The following EIF4G3 variants were observed in gnomAD, a reference collection of about 807,000 sequenced individuals.
EIF4G3 encodes eukaryotic translation initiation factor 4 gamma 3, also known as eIF-4-gamma 3.
EIF4G3 carries 34 observed loss-of-function variants against 186.4 expected under a neutral mutation model. The observed-to-expected ratio is 0.18, with a 90% CI of 0.14 to 0.24. The LOEUF (loss-of-function observed/expected upper bound fraction) is 0.24, where lower values mean the gene tolerates loss of function less well. Among genes scored for constraint, EIF4G3 ranks in the 10% least tolerant of loss-of-function variants. The pLI is 1.00. For synonymous variants in EIF4G3, 673 were observed against 679.5 expected (o/e 0.99, Z 0.15); for missense variants, 1,536 against 1,948.5 (o/e 0.79, Z 3.99).
chr1:20,946,895 A>G (rs1320109667), intron 13 of EIF4G3, among the ~76,000 whole-genome samples: 1 of 152,132 alleles, frequency 6.6e-6, no homozygotes, highest in Non-Finnish European at 1.5e-5. Context: ...AGATTGTGTA[A>G]CTGAGTACAA....
chr1:21,127,600 G>A (rs1033020283), intron 2 of EIF4G3, among the ~76,000 whole-genome samples: 1 of 152,150 alleles, frequency 6.6e-6, no homozygotes, highest in African/African-American at 2.4e-5. Flanking sequence ...AACCCTACCT[G>A]TGCATAAGGC....
At chr1:21,081,322 A>G (rs2095776746) in intron 3 of EIF4G3, among the ~76,000 whole-genome samples, 2 of 152,164 alleles carry the variant, frequency 1.3e-5, no homozygotes, top group African/African-American at 4.8e-5. Flanking sequence ...AGTCCCAGCT[A>G]CTCGGGAAGC....
At chr1:20,859,534 T>G (rs2075872315) in intron 24 of EIF4G3, among the ~76,000 whole-genome samples, 1 of 152,258 alleles carries the variant, frequency 6.6e-6, no homozygotes, top group Non-Finnish European at 1.5e-5. Flanking sequence ...ACTTAGTAAA[T>G]GGACTATCGT....
chr1:21,080,264 C>T (rs1478782497), intron 3 of EIF4G3, among the ~76,000 whole-genome samples: 1 of 150,380 alleles, frequency 6.6e-6, no homozygotes. Context: ...TGCAGTGAGA[C>T]ATGATCGTGC....
At chr1:20,872,846 C>A (rs1418014800) in intron 20 of EIF4G3, among the ~76,000 whole-genome samples, 1 of 151,416 alleles carries the variant, frequency 6.6e-6, no homozygotes, top group East Asian at 1.9e-4. Context: ...AAGCAATTCT[C>A]CTGCCTCAGC....
At chr1:21,033,007 T>C (rs965547968) in intron 4 of EIF4G3, among the ~76,000 whole-genome samples, 1 of 152,196 alleles carries the variant, frequency 6.6e-6, no homozygotes, top group Admixed American at 6.5e-5. Context: ...TCAGAATTTT[T>C]CCTTTTCATG....
intron 4 of EIF4G3, among the ~76,000 whole-genome samples, chr1:21,012,670 C>T (rs1409579278): frequency 1.3e-5 from 2 of 152,088 alleles, no homozygotes; most frequent in African/African-American, 4.8e-5. Context: ...AAACAAGCTC[C>T]CTGTCCAGAC....
At chr1:20,954,954 G>C (rs1451772932) in intron 12 of EIF4G3, among the ~76,000 whole-genome samples, 1 of 152,158 alleles carries the variant, frequency 6.6e-6, no homozygotes, top group Non-Finnish European at 1.5e-5. Context: ...TGTGAATGTT[G>C]GCATGTAGGA....
At chr1:21,155,529 T>A (rs2097644361) in intron 2 of EIF4G3, among the ~76,000 whole-genome samples, 1 of 151,852 alleles carries the variant, frequency 6.6e-6, no homozygotes, top group Non-Finnish European at 1.5e-5. Context: ...AGCAAGTGAT[T>A]TACATATTTT....
intron 12 of EIF4G3, among the ~76,000 whole-genome samples, chr1:20,962,061 T>C (rs1558454726): frequency 6.6e-6 from 1 of 152,194 alleles, no homozygotes; most frequent in Non-Finnish European, 1.5e-5. Flanking sequence ...AACTATTTAC[T>C]GCACATATTA....
At chr1:20,853,507 A>G in intron 27 of EIF4G3, 53 bp downstream of exon 27, 1 of 1,171,364 alleles carries the variant, frequency 8.5e-7, no homozygotes, top group Non-Finnish European at 1.3e-6. Flanking sequence ...ATCTTGCCAC[A>G]CATACTGGCA....
intron 28 of EIF4G3, 117 bp downstream of exon 28, chr1:20,851,141 C>T (rs2073159305): frequency 1.2e-6 from 1 of 844,522 alleles, no homozygotes; most frequent in Non-Finnish European, 1.9e-6. Flanking sequence ...TCTTCAGATG[C>T]TGGTATGTGT....
At chr1:21,016,469 T>C (rs2089093114) in intron 4 of EIF4G3, among the ~76,000 whole-genome samples, 4 of 152,062 alleles carry the variant, frequency 2.6e-5, no homozygotes, top group Non-Finnish European at 5.9e-5. Flanking sequence ...AAGGATTACT[T>C]GAGCCCAGGA....
chr1:21,018,520 A>G (rs1477741091), intron 4 of EIF4G3, among the ~76,000 whole-genome samples: 1 of 151,856 alleles, frequency 6.6e-6, no homozygotes, highest in Non-Finnish European at 1.5e-5. Flanking sequence ...AGATCACGCC[A>G]CTGCACTCCA....
chr1:20,882,992 G>A (rs535648149), intron 19 of EIF4G3, among the ~76,000 whole-genome samples: 1 of 151,902 alleles, frequency 6.6e-6, no homozygotes, highest in Admixed American at 6.6e-5. Flanking sequence ...TGAGGAGGGA[G>A]GATCGCTTGA....
In EIF4G3 at chr1:20,849,523, T is replaced by C. The variant is rs35620317; in HGVS notation, c.3780A>G (p.Pro1260=). The part of the protein sequence containing the change: ...ERNKTRESAK[P]EISAMSAHDK... ...CATGAGCTGACATTGCTGAAATTTC[T>C]GGTTTTGCTATTAGTGAGGCCCCCC... Residue 1260 remains proline, a synonymous_variant, in exon 29 of 37, where the codon CCA becomes CCG. Transcript: ENST00000602326. The C allele has an allele frequency of 1.6e-4, 252 of 1,531,728 alleles. No homozygotes were observed. In the African/African-American group the frequency reaches 3.4e-3, roughly 20 times the overall value. The allele number at this position is 1,531,728 out of a possible 1,614,324, so 94.9% of individuals were successfully genotyped here.
intron 12 of EIF4G3, among the ~76,000 whole-genome samples, chr1:20,959,371 G>A (rs1441640517): frequency 2.6e-5 from 4 of 151,908 alleles, no homozygotes; most frequent in Non-Finnish European, 5.9e-5. Flanking sequence ...TTCTCACCTT[G>A]TACAAAAGTC....
At chr1:21,152,101 C>T (rs1020940551) in intron 2 of EIF4G3, among the ~76,000 whole-genome samples, 6 of 152,024 alleles carry the variant, frequency 3.9e-5, no homozygotes, top group South Asian at 2.1e-4. Context: ...TAAAGACTCC[C>T]GGATCTATAA....
At chr1:20,916,502 G>A (rs576424861) in intron 14 of EIF4G3, among the ~76,000 whole-genome samples, 19 of 151,856 alleles carry the variant, frequency 1.3e-4, no homozygotes, top group Non-Finnish European at 2.8e-4. Context: ...CCATGTTCAT[G>A]GGTCAGAAGA....
Sources: allele counts gnomAD v4.1 joint callset (sites outside exome capture counted in the v4.1 genomes callset), GRCh38; gene constraint gnomAD v4.1.1; transcripts MANE v1.5; gene names NCBI Gene and HGNC (gene_info 2026-07-23, HGNC 2026-07-21).